C11orf68: variants seen among roughly 807,000 people sequenced by gnomAD.
The protein encoded by C11orf68 is chromosome 11 open reading frame 68, also known as UPF0696 protein C11orf68.
A neutral mutation model predicts 4.7 loss-of-function variants in C11orf68; 3 were observed. The observed-to-expected ratio is 0.64, with a 90% CI of 0.29 to 1.66. The LOEUF (loss-of-function observed/expected upper bound fraction) is 1.66, where lower values mean the gene tolerates loss of function less well. Ranked by LOEUF, C11orf68 falls within the 40% of genes most tolerant of loss-of-function variation. The pLI, the probability that C11orf68 is intolerant of heterozygous loss-of-function variation, is 0.10. For synonymous variants in C11orf68, 186 were observed against 167.8 expected, an observed-to-expected ratio of 1.11 and a Z score of -0.84; for missense variants, 422 against 408.0, an observed-to-expected ratio of 1.03 and a Z score of -0.30.
chr11:65,918,395 G>C, intron 1 of C11orf68, 177 bp from the exon 2 acceptor site: 5 of 684,770 alleles, frequency 7.3e-6, no homozygotes, highest in Non-Finnish European at 1.1e-5. Context: ...AGATGCCTGA[G>C]GAGTCAGCGC....
Position 65,917,790 on chromosome 11 carries a change from G to T in C11orf68, c.551C>A (p.Ala184Asp). The stretch of plus-strand genomic sequence containing the variant: ...CACGGCCCGGGCAATGCCAGCCCAG[G>T]CGTGGTCCAGCTTGAAGCCCGGTGC... Reference protein sequence around the residue: ...HLAPGFKLDHAWAGIARAVVE... With the variant: ...HLAPGFKLDHDWAGIARAVVE... Residue 184 changes from alanine to aspartate, a missense_variant, in exon 2 of 2, where the codon GCC becomes GAC. Physicochemically the swap from Ala to Asp is moderately radical, Grantham distance 126. Transcript: ENST00000438576. The T allele has an allele frequency of 6.2e-7, 1 of 1,612,320 alleles. No homozygotes were observed.
chr11:65,918,309 G>A, intron 1 of C11orf68, 91 bp from the exon 2 acceptor site: 1 of 1,367,616 alleles, frequency 7.3e-7, no homozygotes, highest in Non-Finnish European at 9.6e-7. Flanking sequence ...AAGAGTTACT[G>A]TCGATGCGCC....
intron 1 of C11orf68, 172 bp from the exon 2 acceptor site, chr11:65,918,390 C>T: frequency 1.4e-6 from 1 of 726,464 alleles, no homozygotes; most frequent in East Asian, 3.0e-5. Flanking sequence ...AAATTAGATG[C>T]CTGAGGAGTC....
In C11orf68 at chr11:65,918,283, A is replaced by C. The variant is rs913437741; in HGVS notation, c.123-65T>G. On this transcript the variant is annotated intron_variant, in intron 1 of 1. Transcript: ENST00000438576. ...ACTACAGATGCCAGGCACTGGATTA[A>C]ACTGTGGCCTTGAGTAAGAGTTACT... 3 of 1,444,190 alleles carry C rather than the reference A, an allele frequency of 2.1e-6. No homozygotes were observed. The African/African-American group carries it at 4.3e-5, about 21-fold the overall frequency. The allele number at this position is 1,444,190 out of a possible 1,614,324, so 89.5% of individuals were successfully genotyped here.
chr11:65,918,601 G>A (rs766338282), intron 1 of C11orf68, among the ~76,000 whole-genome samples: 1 of 151,852 alleles, frequency 6.6e-6, no homozygotes, highest in Non-Finnish European at 1.5e-5. Context: ...CAGGTATCCG[G>A]TGCGCTGGCA....
rs769726744 is a variant in C11orf68, at chr11:65,918,152, G to A, written c.189C>T (p.Thr63=). The A allele has an allele frequency of 1.5e-5, 24 of 1,571,966 alleles. No homozygotes were observed. The East Asian group carries it at 2.9e-4, about 19-fold the overall frequency. ...GSPGGREDGF[T]AEHLAAEAMA... ...TGGCCTCTGCAGCCAGGTGCTCGGC[G>A]GTGAAGCCATCCTCACGGCCACCTG... The change falls in exon 2 of 2, where the codon ACC becomes ACT. Residue 63 remains threonine, a synonymous_variant. Coordinates refer to ENST00000438576, the MANE Select transcript of C11orf68 (RefSeq NM_001135635.2).
In C11orf68 at chr11:65,919,062, T is replaced by C. The variant is rs1053472169; in HGVS notation, c.-31A>G. The C allele has an allele frequency of 1.8e-6, 2 of 1,117,960 alleles. No homozygotes were observed. The highest frequency in any genetic ancestry group is 1.7e-5 in the African/African-American group (1 of 60,200). The allele number at this position is 1,117,960 out of a possible 1,614,324, so 69.3% of individuals were successfully genotyped here. ...CGCCGCGCCACCTCAACAACAACTT[T>C]ATAGACAGGCGCAGCCACAGGGCGG... On this transcript the variant is annotated 5_prime_UTR_variant, in exon 1 of 2. Coordinates refer to ENST00000438576, the MANE Select transcript of C11orf68 (RefSeq NM_001135635.2).
intron 1 of C11orf68, 24 bp downstream of exon 1, chr11:65,918,886 G>T: frequency 8.0e-7 from 1 of 1,242,830 alleles, no homozygotes; most frequent in South Asian, 1.8e-5. Flanking sequence ...GCCCTGCCCT[G>T]CCCCTCCCGC....
Position 65,918,978 on chromosome 11 carries a change from G to GCCACCGCCACCGCGCC in C11orf68, c.38_53dup (p.Glu20ArgfsTer33). 2.5e-6 allele frequency: 3 copies of GCCACCGCCACCGCGCC among 1,177,056 alleles called. No homozygotes were observed. The highest frequency in any genetic ancestry group is 3.1e-6 in the Non-Finnish European group (3 of 955,768). 72.9% of individuals were successfully genotyped at this position (1,177,056 alleles called of 1,614,324 possible). On this transcript the variant is annotated frameshift_variant, in exon 1 of 2. Coordinates refer to ENST00000438576, the MANE Select transcript of C11orf68 (RefSeq NM_001135635.2). LOFTEE classifies it high-confidence loss of function. The stretch of plus-strand genomic sequence containing the variant: ...GGCTCCGCTCCTGCCGTGGCTCCGC[G>GCCACCGCCACCGCGCC]CCACCGCCACCGCGCCCCACCCCCG...
Position 65,918,951 on chromosome 11 carries a change from C to G in C11orf68, c.81G>C (p.Arg27=). Residue 27 remains arginine (R), a synonymous_variant, in exon 1 of 2, where the codon CGG becomes CGC. Coordinates refer to ENST00000438576, the MANE Select transcript of C11orf68 (RefSeq NM_001135635.2). ...GTTCGACGCCGGCCCAGCCCCGGGC[C>G]CGGCTCCGCTCCTGCCGTGGCTCCG... The part of the protein sequence containing the change: ...GGAEPRQERS[R]ARGWAGVERS... 1 of 1,232,214 alleles carries G rather than the reference C, an allele frequency of 8.1e-7. No homozygotes were observed. 76.3% of individuals were successfully genotyped at this position (1,232,214 alleles called of 1,614,324 possible).
chr11:65,918,930 G>T lies in C11orf68; in HGVS notation c.102C>A (p.Val34=). The T allele has an allele frequency of 7.9e-7, 1 of 1,263,254 alleles. No homozygotes were observed. Among genetic ancestry groups the T allele is most frequent in the Non-Finnish European group, 1.0e-6 (1 of 992,086 alleles). The allele number at this position is 1,263,254 out of a possible 1,614,324, so 78.3% of individuals were successfully genotyped here. ...GTCACCTCCGGCCTTCGCTGCGTTC[G>T]ACGCCGGCCCAGCCCCGGGCCCGGC... The part of the protein sequence containing the change: ...ERSRARGWAG[V]ERSEGRSRME... The change falls in exon 1 of 2, where the codon GTC becomes GTA. Residue 34 remains valine, a synonymous_variant. Coordinates refer to ENST00000438576, the MANE Select transcript of C11orf68 (RefSeq NM_001135635.2).
chr11:65,918,566 C>T (rs890749333), intron 1 of C11orf68, among the ~76,000 whole-genome samples: 1 of 152,258 alleles, frequency 6.6e-6, no homozygotes, highest in African/African-American at 2.4e-5. Flanking sequence ...CACCTCCCGG[C>T]CCTGCCAAGG....
chr11:65,918,303 G>A lies in C11orf68; in HGVS notation c.123-85C>T, dbSNP rs907418097. 3.9e-5 allele frequency: 54 copies of A among 1,397,458 alleles called. 1 individual carries two copies. Among genetic ancestry groups the A allele is most frequent in the Non-Finnish European group, 4.9e-5 (53 of 1,071,092 alleles). 86.6% of individuals were successfully genotyped at this position (1,397,458 alleles called of 1,614,324 possible). On this transcript the variant is annotated intron_variant, in intron 1 of 1. Coordinates refer to ENST00000438576, the MANE Select transcript of C11orf68 (RefSeq NM_001135635.2). Reference sequence around the variant, plus strand: ...GATTAAACTGTGGCCTTGAGTAAGAGTTACTGTCGATGCGCCTCAGTTGCC... The same window carrying A: ...GATTAAACTGTGGCCTTGAGTAAGAATTACTGTCGATGCGCCTCAGTTGCC...
chr11:65,918,829 G>A, intron 1 of C11orf68, 81 bp downstream of exon 1: 2 of 1,079,172 alleles, frequency 1.9e-6, no homozygotes, highest in Non-Finnish European at 2.3e-6. Flanking sequence ...GCCGTGCCGC[G>A]CCCGCCGCCA....
intron 1 of C11orf68, 26 bp downstream of exon 1, chr11:65,918,884 C>A: frequency 8.0e-7 from 1 of 1,244,716 alleles, no homozygotes; most frequent in Non-Finnish European, 1.0e-6. Context: ...CGGCCCTGCC[C>A]TGCCCCTCCC....
In C11orf68 at chr11:65,919,005, C is replaced by A; in HGVS notation, c.27G>T (p.Val9=). The A allele has an allele frequency of 8.7e-7, 1 of 1,155,734 alleles. No homozygotes were observed. Among genetic ancestry groups the A allele is most frequent in the Non-Finnish European group, 1.1e-6 (1 of 944,570 alleles). The allele number at this position is 1,155,734 out of a possible 1,614,324, so 71.6% of individuals were successfully genotyped here. A position where few individuals can be genotyped will look rare whatever the true frequency, so the allele number is the denominator to read the frequency against. The part of the protein sequence containing the change: MAAAAAAA[V]AGVGRGGGGA... ...CACCGCCACCGCGCCCCACCCCCGC[C>A]ACGGCCGCCGCCGCCGCCGCCGCCA... is the stretch of plus-strand genomic sequence containing the variant. Residue 9 remains valine, a synonymous_variant, in exon 1 of 2, where the codon GTG becomes GTT. Transcript: ENST00000438576.
Position 65,917,140 on chromosome 11 carries a change from G to C in C11orf68, c.*319C>G, listed in dbSNP as rs1181146102. Reference sequence around the variant, plus strand: ...ATGCAGGAGGAAGGGGAGGTATAGCGGGGGATGAGCGTTCCAAGAAGTCTC... The same window carrying C: ...ATGCAGGAGGAAGGGGAGGTATAGCCGGGGATGAGCGTTCCAAGAAGTCTC... On this transcript the variant is annotated 3_prime_UTR_variant, in exon 2 of 2. Coordinates refer to ENST00000438576, the MANE Select transcript of C11orf68 (RefSeq NM_001135635.2). 1 of 318,148 alleles carries C rather than the reference G, an allele frequency of 3.1e-6. No individual in the cohort carries two copies. 19.7% of individuals were successfully genotyped at this position (318,148 alleles called of 1,614,324 possible). A position where few individuals can be genotyped will look rare whatever the true frequency, so the allele number is the denominator to read the frequency against.
In C11orf68 at chr11:65,917,749, G is replaced by A; in HGVS notation, c.592C>T (p.Gln198Ter). 4.3e-6 allele frequency: 7 copies of A among 1,613,486 alleles called. No homozygotes were observed. Among genetic ancestry groups the A allele is most frequent in the Non-Finnish European group, 5.9e-6 (7 of 1,179,998 alleles). The change falls in exon 2 of 2, where the codon CAG becomes TAG. Residue 198 changes from glutamine (Q) to a stop codon, truncating the protein, a stop_gained. Transcript: ENST00000438576. LOFTEE classifies it low-confidence loss of function (END_TRUNC). ...IARAVVEGQL[Q>*]VAKVSPRAKE... is the part of the protein sequence containing the mutation. ...GCACGTGGGCTCACCTTGGCCACCT[G>A]AAGCTGGCCTTCAACCACGGCCCGG... is the stretch of plus-strand genomic sequence containing the variant.
Position 65,918,000 on chromosome 11 carries a change from T to C in C11orf68, c.341A>G (p.Asn114Ser). Residue 114 changes from asparagine (N) to serine (S), a missense_variant, in exon 2 of 2, where the codon AAC (asparagine) becomes AGC (serine). By Grantham distance (46) the Asn-to-Ser change is conservative (BLOSUM62 1). Transcript: ENST00000438576. ...VTRYGDPGSPNSEPVGWIAVY... is the reference protein window; with the variant it reads ...VTRYGDPGSPSSEPVGWIAVY... ...TGCAATCCAGCCCACAGGCTCTGAG[T>C]TGGGTGAACCGGGGTCCCCATAGCG... The C allele has an allele frequency of 1.2e-6, 2 of 1,606,728 alleles. No homozygotes were observed. The highest frequency in any genetic ancestry group is 1.3e-5 in the African/African-American group (1 of 74,984).
Sources: gnomAD v4.1 joint callset for allele counts (sites outside exome capture counted in the v4.1 genomes callset) on GRCh38, gnomAD v4.1.1 for gene constraint, MANE v1.5 for transcripts, NCBI Gene and HGNC (gene_info 2026-07-23, HGNC 2026-07-21) for gene names.